Variants in MTOR observed in about 807,000 individuals in gnomAD.
MTOR encodes serine/threonine-protein kinase mTOR.
In MTOR, 70 loss-of-function variants were observed where a neutral mutation model predicts 319.8. The observed-to-expected ratio is 0.22, with a 90% CI of 0.18 to 0.27. The LOEUF is 0.27. Among genes scored for constraint, MTOR ranks in the 10% least tolerant of loss-of-function variants. The probability of loss-of-function intolerance (pLI) is 1.00; values close to 1 mark genes in which losing one functional copy is unlikely to be tolerated. For missense variants in MTOR, 1,890 were observed against 3,274.4 expected (o/e 0.58, Z 10.32); for synonymous variants, 1,183 against 1,211.4 (o/e 0.98, Z 0.49).
In MTOR at chr1:11,115,831, T is replaced by G. The variant is rs373032608; in HGVS notation, c.7017-363A>C. 1.8e-3 allele frequency among the ~76,000 whole-genome samples: 275 copies of G among 152,354 alleles called. 2 individuals are homozygous for G. The highest frequency in any genetic ancestry group is 5.2e-3 in the South Asian group (25 of 4,828). ...AGGTTGTCCCACTGTACTGAGATACTGTGCTTTTCTGAGGTCTTTGGTGAC... is the reference window on the plus strand; with the variant it reads ...AGGTTGTCCCACTGTACTGAGATACGGTGCTTTTCTGAGGTCTTTGGTGAC... On this transcript the variant is annotated intron_variant, in intron 50 of 57. Transcript: ENST00000361445. This position sits in a 1 kb window ranked among gnomAD's most constrained non-coding sequence, Gnocchi z 4.5.
rs1646356922 is a variant in MTOR at position 11,212,937 on chromosome 1, GAATAGTCAGGTCCCAAGTATCT to G, written c.3286-51_3286-30del. The G allele has an allele frequency of 6.4e-7, 1 of 1,557,576 alleles. No individual in the cohort carries two copies. Among genetic ancestry groups the G allele is most frequent in the Non-Finnish European group, 8.9e-7 (1 of 1,128,882 alleles). ...CAAAAGGGAGCAAAAGCATGGTGAT[GAATAGTCAGGTCCCAAGTATCT>G]AAGGACACGCAGCGGGTGGTGGTGT... On this transcript the variant is annotated intron_variant, in intron 21 of 57. Transcript: ENST00000361445. This position sits in a 1 kb window ranked among gnomAD's most constrained non-coding sequence, Gnocchi z 4.1.
chr1:11,243,207 A>G lies in MTOR; in HGVS notation c.1319T>C (p.Leu440Pro). 6.2e-7 allele frequency: 1 copy of G among 1,614,178 alleles called. No homozygotes were observed. Among genetic ancestry groups the G allele is most frequent in the East Asian group, 2.2e-5 (1 of 44,884 alleles). ...RTAAFQALGL[L>P]SVAVRSEFKV... ...AAACTCAGACCTCACAGCCACAGAA[A>G]GTAGCCCCAGGGCTTGGAAGGCCGC... Residue 440 changes from leucine (L) to proline (P), a missense_variant, in exon 9 of 58, where the codon CTT (leucine) becomes CCT (proline). By Grantham distance (98) the Leu-to-Pro change is moderately conservative. Around this residue, in one of 15 missense-constraint regions of MTOR, gnomAD observed 418 missense variants for 543.1 expected, o/e 0.77. Coordinates refer to ENST00000361445, the MANE Select transcript of MTOR (RefSeq NM_004958.4).
chr1:11,134,742 GC>G (rs1292053723), intron 36 of MTOR, among the ~76,000 whole-genome samples: 11 of 152,144 alleles, frequency 7.2e-5, no homozygotes, highest in Non-Finnish European at 1.6e-4. Context: ...TTCATGCCTG[GC>G]TACCCCAAAT....
chr1:11,232,656 C>A, intron 15 of MTOR, 128 bp from the exon 16 acceptor site: 1 of 670,516 alleles, frequency 1.5e-6, no homozygotes, highest in South Asian at 1.8e-5. Flanking sequence ...GGGCAGATCA[C>A]CTGGCATCAG....
chr1:11,189,353 TCG>T, intron 28 of MTOR: 1 of 521,988 alleles, frequency 1.9e-6, no homozygotes, highest in Non-Finnish European at 3.4e-6. Context: ...TGTGGAGCAT[TCG>T]GGCTTGGAAG....
intron 34 of MTOR, among the ~76,000 whole-genome samples, chr1:11,142,922 T>C (rs1643784796): frequency 6.6e-6 from 1 of 152,230 alleles, no homozygotes; most frequent in South Asian, 2.1e-4. Context: ...ACTATAATAC[T>C]GGTTGGGGAT....
chr1:11,130,788 A>G lies in MTOR; in HGVS notation c.5365-11T>C. The G allele has an allele frequency of 6.4e-7, 1 of 1,557,024 alleles. No homozygotes were observed. Among genetic ancestry groups the G allele is most frequent in the East Asian group, 2.4e-5 (1 of 42,114 alleles). Reference sequence around the variant, plus strand: ...CCACGCATGCCAGGCCTGGTTGGGGAGAAAGGCAAGGACAGACACTGGAGC... The same window carrying G: ...CCACGCATGCCAGGCCTGGTTGGGGGGAAAGGCAAGGACAGACACTGGAGC... On this transcript the variant is annotated splice_polypyrimidine_tract_variant and intron_variant, in intron 38 of 57. Coordinates refer to ENST00000361445, the MANE Select transcript of MTOR (RefSeq NM_004958.4).
chr1:11,113,344 A>T (rs571287367), intron 53 of MTOR, among the ~76,000 whole-genome samples: 43 of 151,934 alleles, frequency 2.8e-4, no homozygotes, highest in African/African-American at 1.0e-3. Flanking sequence ...GTTAATACTG[A>T]AGAATATTTT....
intron 46 of MTOR, among the ~76,000 whole-genome samples, chr1:11,125,948 G>A (rs1642809467): frequency 6.7e-6 from 1 of 149,228 alleles, no homozygotes; most frequent in African/African-American, 2.5e-5. Context: ...GGCTGAGACA[G>A]GAGAATTGCT....
At chr1:11,222,485 C>A (rs1191048059) in intron 19 of MTOR, among the ~76,000 whole-genome samples, 3 of 152,194 alleles carry the variant, frequency 2.0e-5, no homozygotes, top group Non-Finnish European at 2.9e-5. Flanking sequence ...GCGTGGGCCA[C>A]TGCGCCCAGC....
rs560634696 is a variant in MTOR, at chr1:11,148,930, A to G, written c.4570+1196T>C. 6.0e-3 allele frequency among the ~76,000 whole-genome samples: 903 copies of G among 150,394 alleles called. 9 individuals carry two copies. Among genetic ancestry groups the G allele is most frequent in the African/African-American group, 0.021 (849 of 40,982 alleles). ...AAAAATTATGTGTGTGTGTGTGTGTATATATATATATAATTGGTAGAGACG... is the reference window on the plus strand; with the variant it reads ...AAAAATTATGTGTGTGTGTGTGTGTGTATATATATATAATTGGTAGAGACG... On this transcript the variant is annotated intron_variant, in intron 31 of 57. Transcript: ENST00000361445.
chr1:11,222,808 G>C (rs1646712387), intron 19 of MTOR, among the ~76,000 whole-genome samples: 1 of 151,890 alleles, frequency 6.6e-6, no homozygotes, highest in South Asian at 2.1e-4. Context: ...CCATTTTGCA[G>C]TCCCTAATCA....
In MTOR at chr1:11,255,382, CAAAAA is replaced by C. The variant is rs56328160; in HGVS notation, c.705+605_705+609del. 1.1e-4 allele frequency among the ~76,000 whole-genome samples: 11 copies of C among 98,216 alleles called. 1 individual carries two copies. The highest frequency in any genetic ancestry group is 6.9e-4 in the African/African-American group (11 of 15,884). The allele number at this position is 98,216 out of a possible 152,430, so 64.4% of individuals were successfully genotyped here. A position where few individuals can be genotyped will look rare whatever the true frequency, so the allele number is the denominator to read the frequency against. ...TGGTGACAGAACAAGACTCCATCTC[CAAAAA>C]AAAAAAAAAAAAAAAAAAAAAAGAA... On this transcript the variant is annotated intron_variant, in intron 5 of 57. Coordinates refer to ENST00000361445, the MANE Select transcript of MTOR (RefSeq NM_004958.4).
chr1:11,158,204 G>A (rs557833708), intron 29 of MTOR, among the ~76,000 whole-genome samples: 2 of 152,300 alleles, frequency 1.3e-5, no homozygotes, highest in South Asian at 4.1e-4. Context: ...GGCAAGGGTA[G>A]TGGCTCTCTA....
At chr1:11,262,135 G>A (rs888639852) in intron 1 of MTOR, among the ~76,000 whole-genome samples, 3 of 152,188 alleles carry the variant, frequency 2.0e-5, no homozygotes, top group Admixed American at 2.0e-4. Context: ...ATTTTTATAC[G>A]TGGCTCAAAA....
At chr1:11,202,643 T>C (rs1646015671) in intron 26 of MTOR, among the ~76,000 whole-genome samples, 1 of 151,856 alleles carries the variant, frequency 6.6e-6, no homozygotes, top group South Asian at 2.1e-4. Context: ...AAAATGGTGA[T>C]GACTCATGCC....
Position 11,127,506 on chromosome 1 carries a change from T to C in MTOR, c.6216+118A>G. Reference sequence around the variant, plus strand: ...AGTGGAAAGGCCAGAGGAAAAGAAATCTGACAAAGGCCTTGGGTCACGTCC... The same window carrying C: ...AGTGGAAAGGCCAGAGGAAAAGAAACCTGACAAAGGCCTTGGGTCACGTCC... On this transcript the variant is annotated intron_variant, in intron 44 of 57. Coordinates refer to ENST00000361445, the MANE Select transcript of MTOR (RefSeq NM_004958.4). This position sits in a 1 kb window ranked among gnomAD's most constrained non-coding sequence, Gnocchi z 5.5. 3.2e-6 allele frequency: 4 copies of C among 1,231,616 alleles called. No individual in the cohort carries two copies. In the East Asian group the frequency reaches 9.9e-5, roughly 31 times the overall value. The allele number at this position is 1,231,616 out of a possible 1,614,324, so 76.3% of individuals were successfully genotyped here.
In MTOR at chr1:11,109,389, GA is replaced by G. The variant is rs781345110; in HGVS notation, c.7448-20del. On this transcript the variant is annotated intron_variant, in intron 55 of 57. Transcript: ENST00000361445. This position sits in a 1 kb window ranked among gnomAD's most constrained non-coding sequence, Gnocchi z 4.0. ...TCTCCAACTGGAATACACAAAAGTA[GA>G]AATAACTGTAAGAATGGGAGCAATA... The G allele has an allele frequency of 6.2e-7, 1 of 1,609,258 alleles. No individual in the cohort carries two copies. The highest frequency in any genetic ancestry group is 2.2e-5 in the East Asian group (1 of 44,860).
rs756539255 is a variant in MTOR, at chr1:11,114,463, G to A, written c.7165-10C>T. On this transcript the variant is annotated splice_polypyrimidine_tract_variant and intron_variant, in intron 52 of 57. Transcript: ENST00000361445. ...CATCCAGGCCTGTAACCTAGAAATG[G>A]GACAGAGCCACTCACCACAGGAGTT... 1 of 1,614,098 alleles carries A rather than the reference G, an allele frequency of 6.2e-7. No homozygotes were observed. Among genetic ancestry groups the A allele is most frequent in the East Asian group, 2.2e-5 (1 of 44,878 alleles).
Sources: allele counts gnomAD v4.1 joint callset (sites outside exome capture counted in the v4.1 genomes callset), GRCh38; gene constraint gnomAD v4.1.1; regional missense constraint gnomAD v4.1.1; non-coding constraint Gnocchi (gnomAD v3.1); transcripts MANE v1.5; gene names NCBI Gene and HGNC (gene_info 2026-07-23, HGNC 2026-07-21).